Variants in UBE2K observed in about 807,000 individuals in gnomAD.
UBE2K encodes the protein ubiquitin conjugating enzyme E2 K, also known as ubiquitin-conjugating enzyme E2 K.
UBE2K carries 6 observed loss-of-function variants against 30.0 expected under a neutral mutation model. That is an observed-to-expected ratio of 0.20 (90% CI 0.11 to 0.39). The LOEUF (loss-of-function observed/expected upper bound fraction) is 0.39. UBE2K is among the 10% of genes least tolerant of loss of function. UBE2K has a pLI of 1.00. For missense variants in UBE2K, 61 were observed against 241.6 expected, an observed-to-expected ratio of 0.25 and a Z score of 4.96; for synonymous variants, 86 against 83.7, an observed-to-expected ratio of 1.03 and a Z score of -0.15.
intron 4 of UBE2K, chr4:39,770,574 GC>G: frequency 6.3e-7 from 1 of 1,584,406 alleles, no homozygotes. Flanking sequence ...GCCCGAGGTG[GC>G]CCCCACGCTG....
chr4:39,755,307 T>C (rs1191048460), intron 3 of UBE2K, among the ~76,000 whole-genome samples: 1 of 152,240 alleles, frequency 6.6e-6, no homozygotes, highest in Non-Finnish European at 1.5e-5. Context: ...TGCCATTTAC[T>C]ATTTATGTTT....
chr4:39,763,342 C>T (rs2109390511), intron 4 of UBE2K, among the ~76,000 whole-genome samples: 1 of 151,542 alleles, frequency 6.6e-6, no homozygotes, highest in Admixed American at 6.6e-5. Context: ...ACCTCCACCT[C>T]CCGGGTGCAA....
intron 2 of UBE2K, among the ~76,000 whole-genome samples, chr4:39,744,876 C>T (rs7665965): frequency 0.18 from 27,114 of 147,398 alleles, 4,422 homozygotes; most frequent in African/African-American, 0.44. Flanking sequence ...CACTGCACTC[C>T]GGCCTGGGCA....
intron 4 of UBE2K, among the ~76,000 whole-genome samples, chr4:39,765,020 T>C (rs1286662951): frequency 1.3e-5 from 2 of 151,998 alleles, no homozygotes; most frequent in African/African-American, 4.8e-5. Flanking sequence ...TGAGCAGCTG[T>C]GACTACAGGC....
intron 1 of UBE2K, among the ~76,000 whole-genome samples, chr4:39,727,214 C>T (rs1450287494): frequency 1.3e-5 from 2 of 152,158 alleles, no homozygotes; most frequent in Non-Finnish European, 2.9e-5. Context: ...AATGTTATAT[C>T]ACATACAGAG....
chr4:39,723,362 C>CTTT (rs529806724), intron 1 of UBE2K, among the ~76,000 whole-genome samples: 23 of 108,316 alleles, frequency 2.1e-4, no homozygotes, highest in African/African-American at 4.5e-4. Context: ...GCTGTCTTCT[C>CTTT]TTTTTTTTTT....
chr4:39,724,032 C>G lies in UBE2K; in HGVS notation c.64-13388C>G, dbSNP rs1042014232. The stretch of plus-strand genomic sequence containing the variant: ...TTCACCATGTTGGTCAGGCTGGTCT[C>G]GAACTCCTGACCTTAGGTGATCCAC... On this transcript the variant is annotated intron_variant, in intron 1 of 6. Coordinates refer to ENST00000261427, the MANE Select transcript of UBE2K (RefSeq NM_005339.5). Among the ~76,000 whole-genome samples the G allele has an allele frequency of 2.6e-5, 4 of 151,888 alleles. No homozygotes were observed. The South Asian group carries it at 8.3e-4, about 32-fold the overall frequency.
chr4:39,700,982 A>C (rs985440637), intron 1 of UBE2K, among the ~76,000 whole-genome samples: 1 of 147,584 alleles, frequency 6.8e-6, no homozygotes, highest in African/African-American at 2.7e-5. Flanking sequence ...AAAAGGTTTC[A>C]TGAGAAATTG....
At chr4:39,703,787 C>T (rs964767706) in intron 1 of UBE2K, among the ~76,000 whole-genome samples, 1 of 144,268 alleles carries the variant, frequency 6.9e-6, no homozygotes, top group Non-Finnish European at 1.5e-5. Context: ...GTGGAGGTTG[C>T]AGTGAGCGAG....
At chr4:39,714,316 C>A in intron 1 of UBE2K, 1 of 199,814 alleles carries the variant, frequency 5.0e-6, no homozygotes. Context: ...GTTTCTCTTG[C>A]CCACAATTTC....
At chr4:39,762,936 C>CTTTTTTTTTTTTT (rs869207095) in intron 4 of UBE2K, among the ~76,000 whole-genome samples, 2 of 78,652 alleles carry the variant, frequency 2.5e-5, no homozygotes, top group Non-Finnish European at 4.7e-5. Flanking sequence ...CCAAAAAACA[C>CTTTTTTTTTTTTT]TTTTTTTTTT....
intron 4 of UBE2K, among the ~76,000 whole-genome samples, chr4:39,757,969 C>A (rs926240520): frequency 1.3e-5 from 2 of 152,182 alleles, no homozygotes. Flanking sequence ...CATAACTTCA[C>A]CTTTACATAC....
Position 39,778,097 on chromosome 4 carries a change from CAAAAAAAAAAAA to C in UBE2K, c.529-248_529-237del, listed in dbSNP as rs36215155. 3.0e-3 allele frequency among the ~76,000 whole-genome samples: 157 copies of C among 51,778 alleles called. 3 individuals are homozygous for C. The highest frequency in any genetic ancestry group is 4.6e-3 in the African/African-American group (59 of 12,856). 34.0% of individuals were successfully genotyped at this position (51,778 alleles called of 152,430 possible). A position where few individuals can be genotyped will look rare whatever the true frequency, so the allele number is the denominator to read the frequency against. On this transcript the variant is annotated intron_variant, in intron 6 of 6. Coordinates refer to ENST00000261427, the MANE Select transcript of UBE2K (RefSeq NM_005339.5). ...TTGGTGATAGAGCAAGACCCTGTCT[CAAAAAAAAAAAA>C]AAAAAAAAAAAAAAGGAAAATAAGA...
chr4:39,774,585 C>G (rs943464510), intron 4 of UBE2K, among the ~76,000 whole-genome samples: 3 of 151,596 alleles, frequency 2.0e-5, no homozygotes, highest in Admixed American at 1.3e-4. Flanking sequence ...TGCACTCCAG[C>G]CTGGGCGACA....
At chr4:39,741,184 T>C (rs1314709327) in intron 2 of UBE2K, among the ~76,000 whole-genome samples, 1 of 151,736 alleles carries the variant, frequency 6.6e-6, no homozygotes, top group Non-Finnish European at 1.5e-5. Context: ...GGCAGGAGAA[T>C]CCCTTGAATC....
intron 1 of UBE2K, among the ~76,000 whole-genome samples, chr4:39,703,450 C>T (rs1414525169): frequency 3.9e-5 from 6 of 152,046 alleles, no homozygotes; most frequent in African/African-American, 7.2e-5. Flanking sequence ...GAGGTCAAGG[C>T]TGCAGTGAAT....
intron 1 of UBE2K, among the ~76,000 whole-genome samples, chr4:39,735,617 G>A (rs553734590): frequency 2.6e-5 from 4 of 152,144 alleles, no homozygotes; most frequent in East Asian, 3.9e-4. Flanking sequence ...TCCTGACCTC[G>A]TGATCTGCCC....
intron 1 of UBE2K, among the ~76,000 whole-genome samples, chr4:39,727,527 C>G (rs1018056148): frequency 8.6e-5 from 13 of 151,792 alleles, no homozygotes; most frequent in Non-Finnish European, 1.6e-4. Flanking sequence ...ACACCCACAC[C>G]TACCTAATTT....
At chr4:39,698,562 C>G (rs1015306285) in intron 1 of UBE2K, among the ~76,000 whole-genome samples, 172 bp downstream of exon 1, 2 of 152,096 alleles carry the variant, frequency 1.3e-5, no homozygotes, top group African/African-American at 4.8e-5. Flanking sequence ...CCCCTCCCCT[C>G]CCAGAGCGCT....
Sources: gnomAD v4.1 joint callset for allele counts (sites outside exome capture counted in the v4.1 genomes callset) on GRCh38, gnomAD v4.1.1 for gene constraint, MANE v1.5 for transcripts, NCBI Gene and HGNC (gene_info 2026-07-23, HGNC 2026-07-21) for gene names.